The following CDH26 variants were observed in gnomAD, a reference collection of about 807,000 sequenced individuals.
The protein encoded by CDH26 is cadherin-like protein 26.
Under a neutral mutation model 90.3 loss-of-function variants are expected in CDH26, and 83 were observed. The observed-to-expected ratio is 0.92, with a 90% confidence interval of 0.77 to 1.10. CDH26 has a LOEUF of 1.10. Among genes scored for constraint, CDH26 ranks in the 50% least tolerant of loss-of-function variants. The probability of loss-of-function intolerance (pLI) is 0.00; values close to 1 mark genes in which losing one functional copy is unlikely to be tolerated. For missense variants in CDH26, 1,013 were observed against 1,037.6 expected, an observed-to-expected ratio of 0.98 and a Z score of 0.33; for synonymous variants, 397 against 396.3, an observed-to-expected ratio of 1.00 and a Z score of -0.02.
chr20:59,988,321 G>T (rs1047811162), intron 8 of CDH26, among the ~76,000 whole-genome samples: 1 of 152,146 alleles, frequency 6.6e-6, no homozygotes, highest in African/African-American at 2.4e-5. Flanking sequence ...GCAGTGCAGG[G>T]CAGGTGAGTC....
chr20:59,961,454 A>C (rs995706465), intron 1 of CDH26, among the ~76,000 whole-genome samples: 3 of 152,210 alleles, frequency 2.0e-5, no homozygotes, highest in Non-Finnish European at 4.4e-5. Context: ...TTTAACTCTT[A>C]AAGAGCTTTA....
chr20:59,971,967 C>A lies in CDH26; in HGVS notation c.237C>A (p.Phe79Leu). The change falls in exon 4 of 18, where the codon TTC becomes TTA. Residue 79 changes from phenylalanine to leucine, a missense_variant. Transcript: ENST00000348616. ...TCCATTTTTCCTCCTTCCAGCTGTT[C>A]AATAATATGTCTTATAACATGTCAC... Reference protein sequence around the residue: ...GPFPKLIGELFNNMSYNMSLM... With the variant: ...GPFPKLIGELLNNMSYNMSLM... 6.2e-7 allele frequency: 1 copy of A among 1,611,420 alleles called. No homozygotes were observed. The highest frequency in any genetic ancestry group is 1.1e-5 in the South Asian group (1 of 90,786).
chr20:59,989,070 A>G lies in CDH26; in HGVS notation c.1190A>G (p.His397Arg), dbSNP rs775291601. 1.2e-6 allele frequency: 2 copies of G among 1,613,926 alleles called. No individual in the cohort carries two copies. The highest frequency in any genetic ancestry group is 2.2e-5 in the South Asian group (2 of 91,056). The part of the protein sequence containing the change: ...VTDANDPPAF[H>R]PQSFIVNKEE... ...GACGCCAACGACCCACCAGCCTTTC[A>G]CCCCCAGAGCTTCATTGTCAATAAA... The change falls in exon 9 of 18, where the codon CAC becomes CGC. Residue 397 changes from histidine (H) to arginine (R), a missense_variant. His to Arg is a conservative substitution (Grantham distance 29). Transcript: ENST00000348616.
In CDH26 at chr20:59,972,093, T is replaced by C; in HGVS notation, c.363T>C (p.Pro121=). The part of the protein sequence containing the change: ...HENGRIYVHR[P]VDREMTPSFT... ...ACGGAAGGATATATGTTCACCGCCC[T>C]GTCGATCGAGAAATGACACCATCTT... The change falls in exon 4 of 18, where the codon CCT becomes CCC. Residue 121 remains proline, a synonymous_variant. Coordinates refer to ENST00000348616, the MANE Select transcript of CDH26 (RefSeq NM_177980.4). The C allele has an allele frequency of 1.2e-6, 2 of 1,613,878 alleles. No individual in the cohort carries two copies. The highest frequency in any genetic ancestry group is 1.7e-6 in the Non-Finnish European group (2 of 1,179,930).
chr20:59,964,947 C>T (rs1357509630), intron 1 of CDH26, among the ~76,000 whole-genome samples: 1 of 152,212 alleles, frequency 6.6e-6, no homozygotes, highest in African/African-American at 2.4e-5. Context: ...GGAAATACAC[C>T]TGTTTCAGAA....
intron 1 of CDH26, among the ~76,000 whole-genome samples, chr20:59,967,756 C>T (rs955521094): frequency 2.0e-5 from 3 of 147,046 alleles, no homozygotes; most frequent in Non-Finnish European, 3.0e-5. Context: ...CTTCCCTTCC[C>T]CTTCCCCTTC....
chr20:59,968,018 T>C (rs1251075787), intron 1 of CDH26, among the ~76,000 whole-genome samples: 59 of 120,238 alleles, frequency 4.9e-4, no homozygotes, highest in African/African-American at 2.4e-3. Flanking sequence ...TTTCTTCCTT[T>C]CTCTCTGTCT....
In CDH26 at chr20:60,013,937, G is replaced by T. The variant is rs2146025602; in HGVS notation, c.*1207G>T. Reference sequence around the variant, plus strand: ...ATGTCTGAATGGGACGCTTGAATGTGTAGAACAGCTGTACTGATCCTAGCA... The same window carrying T: ...ATGTCTGAATGGGACGCTTGAATGTTTAGAACAGCTGTACTGATCCTAGCA... On this transcript the variant is annotated 3_prime_UTR_variant, in exon 18 of 18. Coordinates refer to ENST00000348616, the MANE Select transcript of CDH26 (RefSeq NM_177980.4). The T allele has an allele frequency of 6.6e-6, 1 of 152,194 alleles. No individual in the cohort carries two copies. The allele number at this position is 152,194 out of a possible 1,614,324, so 9.4% of individuals were successfully genotyped here.
downstream of CDH26, among the ~76,000 whole-genome samples, chr20:60,016,633 G>A (rs536503286): frequency 6.8e-4 from 103 of 150,920 alleles, no homozygotes; most frequent in African/African-American, 2.5e-3. Context: ...GCTCTGGCTA[G>A]GACATTCAGT....
At chr20:60,018,410 A>G (rs1342590993), downstream of CDH26, among the ~76,000 whole-genome samples, 1 of 152,016 alleles carries the variant, frequency 6.6e-6, no homozygotes, top group Non-Finnish European at 1.5e-5. Flanking sequence ...TGTCTGATAT[A>G]AGTATAGCTA....
chr20:59,965,427 T>C (rs2061135709), intron 1 of CDH26, among the ~76,000 whole-genome samples: 1 of 152,220 alleles, frequency 6.6e-6, no homozygotes, highest in African/African-American at 2.4e-5. Flanking sequence ...TCTCAATTCA[T>C]TGGACATAAC....
intron 8 of CDH26, among the ~76,000 whole-genome samples, chr20:60,033,187 T>C (rs2062056867): frequency 6.6e-6 from 1 of 152,162 alleles, no homozygotes; most frequent in Non-Finnish European, 1.5e-5. Context: ...TTTGAGTCCT[T>C]ATTGCTTTGT....
In CDH26 at chr20:59,972,100, C is replaced by T. The variant is rs774630896; in HGVS notation, c.370C>T (p.Arg124Ter). 2.1e-5 allele frequency: 34 copies of T among 1,613,694 alleles called. No homozygotes were observed. The highest frequency in any genetic ancestry group is 2.7e-5 in the Non-Finnish European group (32 of 1,179,848). The change falls in exon 4 of 18, where the codon CGA becomes TGA. Residue 124 changes from arginine to a stop codon, truncating the protein, a stop_gained. Transcript: ENST00000348616. LOFTEE classifies it high-confidence loss of function. ...GRIYVHRPVD[R>*]EMTPSFTVYF... ...GATATATGTTCACCGCCCTGTCGAT[C>T]GAGAAATGACACCATCTTTCACGGT...
chr20:59,960,290 CTG>C (rs1213982110), intron 1 of CDH26, among the ~76,000 whole-genome samples: 1 of 152,058 alleles, frequency 6.6e-6, no homozygotes, highest in African/African-American at 2.4e-5. Context: ...GAGCTAGTAA[CTG>C]AATTTATCTG....
chr20:60,035,797 T>C (rs1408905574), downstream of CDH26, among the ~76,000 whole-genome samples: 2 of 152,152 alleles, frequency 1.3e-5, no homozygotes, highest in Non-Finnish European at 2.9e-5. Context: ...TTCCCCACTT[T>C]ACTTTCTCTT....
Position 59,958,780 on chromosome 20 carries a change from G to T in CDH26, c.54G>T (p.Leu18=). The change falls in exon 1 of 18, where the codon CTG becomes CTT. Residue 18 remains leucine (L), a synonymous_variant. Transcript: ENST00000348616. ...CGCTGCTGCTGCTTCTAGTGCTGCT[G>T]CTGTGGCTGCTGCAGGTAAGCTGAG... ...HPSLLLLLVL[L]LWLLQVSIID... The T allele has an allele frequency of 6.2e-7, 1 of 1,613,880 alleles. No individual in the cohort carries two copies. Among genetic ancestry groups the T allele is most frequent in the Non-Finnish European group, 8.5e-7 (1 of 1,179,844 alleles).
At chr20:59,962,665 C>T (rs560789470) in intron 1 of CDH26, among the ~76,000 whole-genome samples, 32 of 152,252 alleles carry the variant, frequency 2.1e-4, no homozygotes, top group African/African-American at 7.5e-4. Flanking sequence ...CTTCAATATA[C>T]GCTTTTAGGG....
At chr20:59,971,824 GTTTA>G (rs2061264470) in intron 3 of CDH26, 134 bp from the exon 4 acceptor site, 1 of 644,928 alleles carries the variant, frequency 1.6e-6, no homozygotes, top group Non-Finnish European at 2.6e-6. Flanking sequence ...CAGCCCATCT[GTTTA>G]TTTCTTTGGC....
At chr20:59,960,446 CAAA>C (rs1261522423) in intron 1 of CDH26, among the ~76,000 whole-genome samples, 2 of 151,992 alleles carry the variant, frequency 1.3e-5, no homozygotes, top group Non-Finnish European at 2.9e-5. Context: ...TATATAGACA[CAAA>C]GAAGGTTATG....
Sources: gnomAD v4.1 joint callset for allele counts (sites outside exome capture counted in the v4.1 genomes callset) on GRCh38, gnomAD v4.1.1 for gene constraint, MANE v1.5 for transcripts, NCBI Gene and HGNC (gene_info 2026-07-23, HGNC 2026-07-21) for gene names.